LINGO2: variants seen among roughly 807,000 people sequenced by gnomAD.
LINGO2 encodes leucine rich repeat and Ig domain containing 2.
Under a neutral mutation model 30.6 loss-of-function variants are expected in LINGO2, and 14 were observed. That is an observed-to-expected ratio of 0.46 (90% CI 0.30 to 0.72). The LOEUF (loss-of-function observed/expected upper bound fraction) is 0.72. Among genes scored for constraint, LINGO2 ranks in the 30% least tolerant of loss-of-function variants. The pLI is 0.07. For synonymous variants in LINGO2, 317 were observed against 288.5 expected (o/e 1.10, Z -1.00); for missense variants, 729 against 751.7 (o/e 0.97, Z 0.35).
the LINGO2 span, among the ~76,000 whole-genome samples, chr9:28,751,288 CAAAAAAAA>C: frequency 2.6e-3 from 216 of 82,054 alleles, no homozygotes; most frequent in Non-Finnish European, 3.7e-3. Flanking sequence ...AAGATCCAGT[CAAAAAAAA>C]AAAAAAAAAA....
chr9:28,709,260 A>G, the LINGO2 span, among the ~76,000 whole-genome samples: 8 of 152,218 alleles, frequency 5.3e-5, no homozygotes, highest in Non-Finnish European at 1.2e-4. Flanking sequence ...TATGTCAGTT[A>G]AAGGATGCCT....
chr9:28,343,821 T>G (rs1009869688), intron 3 of LINGO2, among the ~76,000 whole-genome samples: 28 of 152,070 alleles, frequency 1.8e-4, no homozygotes, highest in African/African-American at 6.5e-4. Flanking sequence ...CTGGAAATCA[T>G]GGAGATGCCT....
the LINGO2 span, among the ~76,000 whole-genome samples, chr9:28,772,153 C>T: frequency 1.3e-5 from 2 of 152,140 alleles, no homozygotes; most frequent in Admixed American, 1.3e-4. Flanking sequence ...CCCTGTAGCG[C>T]ATTTGTAAGT....
chr9:28,660,877 T>C (rs1382302365), intron 1 of LINGO2, among the ~76,000 whole-genome samples: 3 of 152,200 alleles, frequency 2.0e-5, no homozygotes, highest in Non-Finnish European at 4.4e-5. Flanking sequence ...CTACCTTTTC[T>C]GTCATCTTGA....
the LINGO2 span, among the ~76,000 whole-genome samples, chr9:28,785,568 A>G: frequency 1.3e-5 from 2 of 152,116 alleles, no homozygotes; most frequent in African/African-American, 4.8e-5. Flanking sequence ...GTTTACTGCG[A>G]TATTTGCAGC....
At chr9:28,914,470 A>C in the LINGO2 span, among the ~76,000 whole-genome samples, 1 of 152,216 alleles carries the variant, frequency 6.6e-6, no homozygotes, top group African/African-American at 2.4e-5. Context: ...AAATAAAACA[A>C]AAATAAAAAA....
At chr9:28,355,307 C>G (rs375243210) in intron 3 of LINGO2, among the ~76,000 whole-genome samples, 15,125 of 47,910 alleles carry the variant, frequency 0.32, 1,567 homozygotes, top group East Asian at 0.51. Context: ...ATGTCTCTCT[C>G]TCTCTCTCTC....
the LINGO2 span, among the ~76,000 whole-genome samples, chr9:29,208,466 C>T: frequency 2.5e-4 from 38 of 151,924 alleles, no homozygotes; most frequent in Non-Finnish European, 4.1e-4. Flanking sequence ...AATCATCTCC[C>T]ATATATAAAT....
intron 2 of LINGO2, among the ~76,000 whole-genome samples, chr9:28,411,938 T>A (rs1005079328): frequency 1.3e-5 from 2 of 152,106 alleles, no homozygotes; most frequent in African/African-American, 4.8e-5. Context: ...GTTATTTTTT[T>A]ATTAAAAATA....
chr9:28,617,990 C>T (rs1008414413), intron 1 of LINGO2, among the ~76,000 whole-genome samples: 1 of 152,006 alleles, frequency 6.6e-6, no homozygotes, highest in African/African-American at 2.4e-5. Flanking sequence ...GAAGCTTTTC[C>T]CAGATAAAAT....
the LINGO2 span, among the ~76,000 whole-genome samples, chr9:29,100,831 C>T: frequency 6.6e-6 from 1 of 152,022 alleles, no homozygotes; most frequent in South Asian, 2.1e-4. Context: ...TCATGTAACC[C>T]ATAAATCTAA....
At chr9:28,213,304 T>G (rs901512488) in intron 4 of LINGO2, among the ~76,000 whole-genome samples, 1 of 151,380 alleles carries the variant, frequency 6.6e-6, no homozygotes, top group Non-Finnish European at 1.5e-5. Context: ...TGTGTTTTTC[T>G]AGAAAAAAAA....
chr9:29,202,040 T>C, the LINGO2 span, among the ~76,000 whole-genome samples: 24 of 152,142 alleles, frequency 1.6e-4, 1 homozygote, highest in African/African-American at 5.3e-4. Flanking sequence ...GTCTAAATGT[T>C]CTAAAAATCA....
the LINGO2 span, among the ~76,000 whole-genome samples, chr9:28,993,750 A>C: frequency 3.2e-4 from 46 of 141,858 alleles, no homozygotes; most frequent in African/African-American, 1.2e-3. Flanking sequence ...ATATAAACAG[A>C]ACCAAAGACA....
At chr9:28,299,415 G>C (rs1272031394) in intron 3 of LINGO2, among the ~76,000 whole-genome samples, 1 of 151,328 alleles carries the variant, frequency 6.6e-6, no homozygotes, top group African/African-American at 2.4e-5. Flanking sequence ...GGGTAGGTTT[G>C]GCCATTTATT....
chr9:28,785,501 A>G, the LINGO2 span, among the ~76,000 whole-genome samples: 1 of 152,120 alleles, frequency 6.6e-6, no homozygotes, highest in Admixed American at 6.6e-5. Context: ...ATTTGAAATT[A>G]TTTTCTCCTC....
the LINGO2 span, among the ~76,000 whole-genome samples, chr9:28,799,993 T>C: frequency 6.6e-6 from 1 of 152,064 alleles, no homozygotes; most frequent in African/African-American, 2.4e-5. Context: ...ACAATGACAG[T>C]TATTTTCTTT....
intron 4 of LINGO2, among the ~76,000 whole-genome samples, chr9:28,094,950 G>T (rs577766135): frequency 2.0e-5 from 3 of 152,202 alleles, no homozygotes; most frequent in East Asian, 3.9e-4. Flanking sequence ...GACACTAATT[G>T]CATAAAATCC....
At chr9:28,545,096 A>G (rs149663828) in intron 1 of LINGO2, among the ~76,000 whole-genome samples, 56 of 152,174 alleles carry the variant, frequency 3.7e-4, no homozygotes, top group East Asian at 2.1e-3. Context: ...GAGGCTTGCT[A>G]AGGGTTTTTA....
Sources: gnomAD v4.1 joint callset for allele counts (sites outside exome capture counted in the v4.1 genomes callset) on GRCh38, gnomAD v4.1.1 for gene constraint, MANE v1.5 for transcripts, NCBI Gene and HGNC (gene_info 2026-07-23, HGNC 2026-07-21) for gene names.